The following MAPRE1 variants were observed in gnomAD, a reference collection of about 807,000 sequenced individuals.
MAPRE1 encodes the protein microtubule associated protein RP/EB family member 1.
MAPRE1 carries 5 observed loss-of-function variants against 32.1 expected under a neutral mutation model. That is an observed-to-expected ratio of 0.16 (90% CI 0.08 to 0.33). The LOEUF (loss-of-function observed/expected upper bound fraction) is 0.33, where lower values mean the gene tolerates loss of function less well. Among genes scored for constraint, MAPRE1 ranks in the 10% least tolerant of loss-of-function variants. The pLI is 1.00. For synonymous variants in MAPRE1, 122 were observed against 118.9 expected, an observed-to-expected ratio of 1.03 and a Z score of -0.17; for missense variants, 209 against 327.2, an observed-to-expected ratio of 0.64 and a Z score of 2.79.
At chr20:32,843,953 A>C (rs1190358820) in intron 5 of MAPRE1, among the ~76,000 whole-genome samples, 1 of 151,926 alleles carries the variant, frequency 6.6e-6, no homozygotes, top group Non-Finnish European at 1.5e-5. Flanking sequence ...TCTCAGGTTC[A>C]AATGATACTC....
At position 32,825,162 on chromosome 20, in the gene MAPRE1, AAAAG is replaced by A. The variant is rs1385718908; in HGVS notation, c.-3-755_-3-752del. On this transcript the variant is annotated intron_variant, in intron 1 of 6. Coordinates refer to ENST00000375571, the MANE Select transcript of MAPRE1 (RefSeq NM_012325.3). Reference sequence around the variant, plus strand: ...GCAAGACTGTCTCAAAAAAAAAAAAAAAAGAAAGAAACAAACAAACAAAAAACCA... The same window carrying A: ...GCAAGACTGTCTCAAAAAAAAAAAAAAAAGAAACAAACAAACAAAAAACCA... Among the ~76,000 whole-genome samples the A allele has an allele frequency of 2.3e-3, 345 of 151,052 alleles. 1 individual carries two copies. The highest frequency in any genetic ancestry group is 7.4e-3 in the African/African-American group (303 of 41,166).
rs953873403 is a variant in MAPRE1 at position 32,842,983 on chromosome 20, A to G, written c.597+3127A>G. ...AGGCTTATAACTCTGTTGCATGTCC[A>G]TCGGTGCTGGGGAACATTGAGAGGC... On this transcript the variant is annotated intron_variant, in intron 5 of 6. Transcript: ENST00000375571. 7 of 152,228 alleles carry G rather than the reference A, an allele frequency of 4.6e-5. No homozygotes were observed. In the South Asian group the frequency reaches 8.3e-4, roughly 18 times the overall value. 9.4% of individuals were successfully genotyped at this position (152,228 alleles called of 1,614,324 possible).
intron 2 of MAPRE1, 49 bp downstream of exon 2, chr20:32,826,097 T>G: frequency 1.3e-6 from 2 of 1,534,658 alleles, no homozygotes; most frequent in Non-Finnish European, 1.8e-6. Flanking sequence ...TGTAGGTTTT[T>G]CAGGAATGTG....
intron 5 of MAPRE1, among the ~76,000 whole-genome samples, chr20:32,841,031 G>A (rs1313172423): frequency 1.3e-5 from 2 of 152,196 alleles, no homozygotes; most frequent in African/African-American, 2.4e-5. Flanking sequence ...GGCCAGGCTG[G>A]TCTCCAACTC....
chr20:32,846,595 A>G, intron 5 of MAPRE1, 23 bp from the exon 6 acceptor site: 1 of 1,611,870 alleles, frequency 6.2e-7, no homozygotes, highest in Non-Finnish European at 8.5e-7. Flanking sequence ...CAAGCATCTC[A>G]CCCTTTTTAA....
At chr20:32,844,748 T>C (rs958525683) in intron 5 of MAPRE1, among the ~76,000 whole-genome samples, 1 of 152,196 alleles carries the variant, frequency 6.6e-6, no homozygotes, top group African/African-American at 2.4e-5. Flanking sequence ...ACTTCCTTTC[T>C]TCCTTGGTCA....
intron 1 of MAPRE1, among the ~76,000 whole-genome samples, chr20:32,823,902 A>G (rs242552): frequency 0.99 from 150,574 of 152,310 alleles, 74,436 homozygotes; most frequent in East Asian, 1. Flanking sequence ...AAACAAACCC[A>G]ACAGTGGATT....
intron 5 of MAPRE1, chr20:32,843,276 G>A (rs1192524803): frequency 6.6e-6 from 1 of 152,104 alleles, no homozygotes; most frequent in Non-Finnish European, 1.5e-5. Context: ...GCAGCCCTTT[G>A]TAAATATGGA....
chr20:32,820,474 C>A (rs972866584), intron 1 of MAPRE1, among the ~76,000 whole-genome samples: 1 of 152,046 alleles, frequency 6.6e-6, no homozygotes, highest in African/African-American at 2.4e-5. Flanking sequence ...TGCGGTGTGA[C>A]CTTGGACAGG....
At chr20:32,830,733 T>C (rs1019148037) in intron 2 of MAPRE1, among the ~76,000 whole-genome samples, 1 of 143,584 alleles carries the variant, frequency 7.0e-6, no homozygotes, top group African/African-American at 2.7e-5. Flanking sequence ...GAAGTATCTC[T>C]TCAAACTTTT....
chr20:32,838,608 T>C (rs1263649756), intron 4 of MAPRE1, among the ~76,000 whole-genome samples: 1 of 152,230 alleles, frequency 6.6e-6, no homozygotes, highest in African/African-American at 2.4e-5. Context: ...CTCAGCTCTT[T>C]ACATTCCCAT....
At chr20:32,838,400 G>A (rs1046468762) in intron 4 of MAPRE1, among the ~76,000 whole-genome samples, 4 of 152,088 alleles carry the variant, frequency 2.6e-5, no homozygotes, top group East Asian at 1.9e-4. Context: ...GGTCTTTTGC[G>A]TTGTTTCCCA....
intron 3 of MAPRE1, among the ~76,000 whole-genome samples, chr20:32,835,337 A>G (rs1040932959): frequency 8.9e-6 from 1 of 112,608 alleles, no homozygotes; most frequent in Non-Finnish European, 1.8e-5. Flanking sequence ...TATATTTGTT[A>G]TTTTTTGTGT....
At position 32,825,916 on chromosome 20, in the gene MAPRE1, A is replaced by T; in HGVS notation, c.-3-9A>T. On this transcript the variant is annotated splice_polypyrimidine_tract_variant and intron_variant, in intron 1 of 6. Coordinates refer to ENST00000375571, the MANE Select transcript of MAPRE1 (RefSeq NM_012325.3). ...ACACAGGCCCTTCTCTTTTCTTCCC[A>T]TGCTTTAGAAGATGGCAGTGAACGT... 6.3e-7 allele frequency: 1 copy of T among 1,576,876 alleles called. No individual in the cohort carries two copies. Among genetic ancestry groups the T allele is most frequent in the Non-Finnish European group, 8.7e-7 (1 of 1,151,436 alleles).
chr20:32,823,609 C>G (rs774306165), intron 1 of MAPRE1, among the ~76,000 whole-genome samples: 3 of 152,180 alleles, frequency 2.0e-5, no homozygotes, highest in African/African-American at 7.2e-5. Context: ...GATTCTACCG[C>G]ACTTAAAACC....
chr20:32,833,952 C>T, intron 3 of MAPRE1, 90 bp downstream of exon 3: 2 of 1,264,604 alleles, frequency 1.6e-6, no homozygotes, highest in East Asian at 2.5e-5. Flanking sequence ...TGGACATTTT[C>T]TTTTTTTTCT....
At chr20:32,834,343 G>A (rs1347104635) in intron 3 of MAPRE1, among the ~76,000 whole-genome samples, 2 of 152,178 alleles carry the variant, frequency 1.3e-5, no homozygotes, top group East Asian at 1.9e-4. Flanking sequence ...AGGAGGCTCC[G>A]TGGTGGGTGC....
intron 6 of MAPRE1, 32 bp downstream of exon 6, chr20:32,846,802 C>T (rs1983517874): frequency 1.2e-6 from 2 of 1,608,236 alleles, no homozygotes; most frequent in Non-Finnish European, 1.7e-6. Context: ...ATTTTCTTTC[C>T]ATTTTACATA....
chr20:32,827,603 C>G (rs1163735692), intron 2 of MAPRE1, among the ~76,000 whole-genome samples: 3 of 151,702 alleles, frequency 2.0e-5, no homozygotes, highest in South Asian at 2.1e-4. Flanking sequence ...TCTTAAATTA[C>G]TGCCATTGCT....
Sources: allele counts gnomAD v4.1 joint callset (sites outside exome capture counted in the v4.1 genomes callset), GRCh38; gene constraint gnomAD v4.1.1; transcripts MANE v1.5; gene names NCBI Gene and HGNC (gene_info 2026-07-23, HGNC 2026-07-21).